Variants in ANKRD52 observed in about 807,000 individuals in gnomAD.
The protein encoded by ANKRD52 is ankyrin repeat domain 52.
ANKRD52 carries 7 observed loss-of-function variants against 116.0 expected under a neutral mutation model. The observed-to-expected ratio is 0.06, with a 90% CI of 0.03 to 0.11. The LOEUF is 0.11. Among genes scored for constraint, ANKRD52 ranks in the 10% least tolerant of loss-of-function variants. The pLI, the probability that ANKRD52 is intolerant of heterozygous loss-of-function variation, is 1.00. For missense variants in ANKRD52, 839 were observed against 1,408.6 expected (o/e 0.60, Z 6.47); for synonymous variants, 528 against 578.1 (o/e 0.91, Z 1.24).
chr12:56,248,106 T>C lies in ANKRD52; in HGVS notation c.1895A>G (p.Glu632Gly). Reference protein sequence around the residue: ...LFLATERGSTECVEVLTAHGA... With the variant: ...LFLATERGSTGCVEVLTAHGA... ...GTGGGCTGTAAGCACCTCCACACAC[T>C]CAGTAGAGCCGCGCTCCGTGGCCAG... Residue 632 changes from glutamate to glycine, a missense_variant, in exon 18 of 28, where the codon GAG (glutamate) becomes GGG (glycine). Around this residue, in one of 2 missense-constraint regions of ANKRD52, gnomAD observed 552 missense variants for 810.6 expected, o/e 0.68. Transcript: ENST00000267116. The surrounding 1 kb of genome is among the most constrained non-coding windows in gnomAD (Gnocchi z 5.1). 2 of 1,613,460 alleles carry C rather than the reference T, an allele frequency of 1.2e-6. No individual in the cohort carries two copies. The highest frequency in any genetic ancestry group is 2.2e-5 in the South Asian group (2 of 91,076).
chr12:56,254,018 A>G lies in ANKRD52; in HGVS notation c.906+49T>C. 6.4e-7 allele frequency: 1 copy of G among 1,556,878 alleles called. No homozygotes were observed. The highest frequency in any genetic ancestry group is 8.8e-7 in the Non-Finnish European group (1 of 1,130,872). ...CTATCCAGATACAGTCAGGACCCCT[A>G]GATCCAAGTTTCGCTCCCCACTGGT... On this transcript the variant is annotated intron_variant, in intron 8 of 27. Coordinates refer to ENST00000267116, the MANE Select transcript of ANKRD52 (RefSeq NM_173595.4). This position sits in a 1 kb window ranked among gnomAD's most constrained non-coding sequence, Gnocchi z 4.6.
Position 56,244,747 on chromosome 12 carries a change from A to G in ANKRD52, c.2627T>C (p.Met876Thr). ...AFADNVSGLR[M>T]LLQHQAEVNA... ...CACCTCAGCTTGATGCTGCAGCAGCATCCGGAGCCCAGAGACATTGTCCGC... is the reference window on the plus strand; with the variant it reads ...CACCTCAGCTTGATGCTGCAGCAGCGTCCGGAGCCCAGAGACATTGTCCGC... Residue 876 changes from methionine to threonine, a missense_variant, in exon 24 of 28, where the codon ATG becomes ACG. This residue lies in a region of ANKRD52 where 552 missense variants were observed against 810.6 expected (regional missense o/e 0.68). Coordinates refer to ENST00000267116, the MANE Select transcript of ANKRD52 (RefSeq NM_173595.4). The surrounding 1 kb of genome is among the most constrained non-coding windows in gnomAD (Gnocchi z 4.9). The G allele has an allele frequency of 6.2e-7, 1 of 1,613,890 alleles. No individual in the cohort carries two copies. Among genetic ancestry groups the G allele is most frequent in the Non-Finnish European group, 8.5e-7 (1 of 1,179,898 alleles).
At chr12:56,258,001 G>A (rs1045266764) in intron 1 of ANKRD52, 90 bp from the exon 2 acceptor site, 1 of 1,353,034 alleles carries the variant, frequency 7.4e-7, no homozygotes, top group African/African-American at 1.4e-5. Context: ...AGGTTTGAGT[G>A]GGGGGCGTCC....
intron 19 of ANKRD52, 36 bp from the exon 20 acceptor site, chr12:56,247,646 A>G: frequency 1.3e-6 from 2 of 1,596,016 alleles, no homozygotes; most frequent in Middle Eastern, 1.7e-4. Flanking sequence ...AGGATCCCGC[A>G]AGGACTGGAA....
At chr12:56,257,493 CGG>C (rs1565613528) in intron 2 of ANKRD52, 132 bp from the exon 3 acceptor site, 6 of 865,926 alleles carry the variant, frequency 6.9e-6, no homozygotes, top group East Asian at 5.3e-5. Flanking sequence ...TCCTAAGTCC[CGG>C]TATTGGGAGT....
rs961128015 is a variant in ANKRD52, at chr12:56,240,633, A to T, written c.*2509T>A. 3 of 152,174 alleles carry T rather than the reference A, an allele frequency of 2.0e-5. No individual in the cohort carries two copies. In the East Asian group the frequency reaches 5.8e-4, roughly 29 times the overall value. The allele number at this position is 152,174 out of a possible 1,614,324, so 9.4% of individuals were successfully genotyped here. On this transcript the variant is annotated 3_prime_UTR_variant, in exon 28 of 28. Coordinates refer to ENST00000267116, the MANE Select transcript of ANKRD52 (RefSeq NM_173595.4). This position sits in a 1 kb window ranked among gnomAD's most constrained non-coding sequence, Gnocchi z 4.2. ...TTAAAATAAATATGCAGTGGCCATGAGAATGGTCAAAATGCTTCAAAAAAC... is the reference window on the plus strand; with the variant it reads ...TTAAAATAAATATGCAGTGGCCATGTGAATGGTCAAAATGCTTCAAAAAAC...
intron 15 of ANKRD52, among the ~76,000 whole-genome samples, chr12:56,249,506 A>G (rs1221125236): frequency 2.0e-5 from 3 of 152,336 alleles, no homozygotes; most frequent in African/African-American, 7.2e-5. Flanking sequence ...AAATTGAGGC[A>G]TAGAGAAGTA....
chr12:56,244,645 T>C lies in ANKRD52; in HGVS notation c.2722+7A>G. On this transcript the variant is annotated splice_region_variant and intron_variant, in intron 24 of 27. Transcript: ENST00000267116. The surrounding 1 kb of genome is among the most constrained non-coding windows in gnomAD (Gnocchi z 4.9). ...GCTCCTCCCTTCCACAAGTGGCCCC[T>C]ACACACCCACAGCAGCGGTCTGCCC... is the stretch of plus-strand genomic sequence containing the variant. The C allele has an allele frequency of 6.2e-7, 1 of 1,613,436 alleles. No individual in the cohort carries two copies. Among genetic ancestry groups the C allele is most frequent in the Non-Finnish European group, 8.5e-7 (1 of 1,179,840 alleles).
intron 15 of ANKRD52, among the ~76,000 whole-genome samples, chr12:56,250,186 G>C (rs917907978): frequency 3.9e-5 from 6 of 152,076 alleles, no homozygotes; most frequent in African/African-American, 1.4e-4. Flanking sequence ...GACAGAGCAA[G>C]ACTCCATCTC....
chr12:56,243,039 AC>A lies in ANKRD52; in HGVS notation c.*102del. ...GGCTTCCTTCCCCTCCGCCCCCTCC[AC>A]CCAGTCGTGTTCTCCTTTAAAGTGC... On this transcript the variant is annotated 3_prime_UTR_variant, in exon 28 of 28. Transcript: ENST00000267116. This position sits in a 1 kb window ranked among gnomAD's most constrained non-coding sequence, Gnocchi z 4.6. 1 of 1,407,674 alleles carries A rather than the reference AC, an allele frequency of 7.1e-7. No individual in the cohort carries two copies. The highest frequency in any genetic ancestry group is 1.4e-5 in the African/African-American group (1 of 69,200). 87.2% of individuals were successfully genotyped at this position (1,407,674 alleles called of 1,614,324 possible).
rs1330981310 is a variant in ANKRD52 at position 56,248,752 on chromosome 12, C to A, written c.1704+7G>T. ...TCCCCTCCTGCAGGCCGGGCCCCAA[C>A]ACATACCAGTTCGAGGTTCTGTCTG... is the stretch of plus-strand genomic sequence containing the variant. On this transcript the variant is annotated splice_region_variant and intron_variant, in intron 16 of 27. Coordinates refer to ENST00000267116, the MANE Select transcript of ANKRD52 (RefSeq NM_173595.4). The surrounding 1 kb of genome is among the most constrained non-coding windows in gnomAD (Gnocchi z 5.1). 1 of 1,605,428 alleles carries A rather than the reference C, an allele frequency of 6.2e-7. No homozygotes were observed. The highest frequency in any genetic ancestry group is 8.5e-7 in the Non-Finnish European group (1 of 1,175,092).
rs773836824 is a variant in ANKRD52 at position 56,244,791 on chromosome 12, G to T, written c.2583C>A (p.Pro861=). The change falls in exon 24 of 28, where the codon CCC becomes CCA. Residue 861 remains proline, a synonymous_variant. Coordinates refer to ENST00000267116, the MANE Select transcript of ANKRD52 (RefSeq NM_173595.4). This position sits in a 1 kb window ranked among gnomAD's most constrained non-coding sequence, Gnocchi z 4.9. ...TGTCCGCGAAGGCAGCGGCGTGAAG[G>T]GGGGTCCTGTAAGGCAGGGATCAGG... is the stretch of plus-strand genomic sequence containing the variant. ...VNSRDAKGRT[P]LHAAAFADNV... 26 of 1,613,712 alleles carry T rather than the reference G, an allele frequency of 1.6e-5. No homozygotes were observed. Among genetic ancestry groups the T allele is most frequent in the Non-Finnish European group, 2.2e-5 (26 of 1,179,908 alleles).
chr12:56,243,527 G>A lies in ANKRD52; in HGVS notation c.2981-135C>T. 7.6e-7 allele frequency: 1 copy of A among 1,312,088 alleles called. No homozygotes were observed. The highest frequency in any genetic ancestry group is 1.0e-6 in the Non-Finnish European group (1 of 969,700). 81.3% of individuals were successfully genotyped at this position (1,312,088 alleles called of 1,614,324 possible). ...AGCAGCGGCAGAATCCAAGGGTGACGAGGGCCCAGGAAGGCTGACAGGCAG... is the reference window on the plus strand; with the variant it reads ...AGCAGCGGCAGAATCCAAGGGTGACAAGGGCCCAGGAAGGCTGACAGGCAG... On this transcript the variant is annotated intron_variant, in intron 27 of 27. Transcript: ENST00000267116. This position sits in a 1 kb window ranked among gnomAD's most constrained non-coding sequence, Gnocchi z 4.6.
chr12:56,252,929 T>G lies in ANKRD52; in HGVS notation c.1184-32A>C. 1 of 1,608,752 alleles carries G rather than the reference T, an allele frequency of 6.2e-7. No homozygotes were observed. Among genetic ancestry groups the G allele is most frequent in the Non-Finnish European group, 8.5e-7 (1 of 1,177,058 alleles). ...GCACAGAACAGCCACAGGTCACATC[T>G]GAGAGTGTTCAGCAGGGAGGGAAAG... On this transcript the variant is annotated intron_variant, in intron 11 of 27. Transcript: ENST00000267116. This position sits in a 1 kb window ranked among gnomAD's most constrained non-coding sequence, Gnocchi z 4.7.
chr12:56,246,557 G>A (rs75265219), intron 20 of ANKRD52, among the ~76,000 whole-genome samples: 7,034 of 152,174 alleles, frequency 0.046, 232 homozygotes, highest in Non-Finnish European at 0.069. Flanking sequence ...GACATTATGC[G>A]ATGGGTTGGG....
At position 56,245,361 on chromosome 12, in the gene ANKRD52, G is replaced by A; in HGVS notation, c.2404+16C>T. ...CAACACATGCTCCTGTGCCTGTGGAGGCCCCAGTCTAGTACCAGTGTAGGA... is the reference window on the plus strand; with the variant it reads ...CAACACATGCTCCTGTGCCTGTGGAAGCCCCAGTCTAGTACCAGTGTAGGA... On this transcript the variant is annotated intron_variant, in intron 21 of 27. Coordinates refer to ENST00000267116, the MANE Select transcript of ANKRD52 (RefSeq NM_173595.4). 2.5e-6 allele frequency: 4 copies of A among 1,607,964 alleles called. No individual in the cohort carries two copies. In the South Asian group the frequency reaches 3.3e-5, roughly 13 times the overall value.
In ANKRD52 at chr12:56,248,714, C is replaced by T. The variant is rs759376028; in HGVS notation, c.1704+45G>A. 4 of 1,544,612 alleles carry T rather than the reference C, an allele frequency of 2.6e-6. No homozygotes were observed. The highest frequency in any genetic ancestry group is 1.2e-5 in the South Asian group (1 of 85,570). On this transcript the variant is annotated intron_variant, in intron 16 of 27. Transcript: ENST00000267116. This position sits in a 1 kb window ranked among gnomAD's most constrained non-coding sequence, Gnocchi z 5.1. ...AGTTTTGGAATCCACAAACCCTGTGCCCTGCCCCTGCCTCCCCTCCTGCAG... is the reference window on the plus strand; with the variant it reads ...AGTTTTGGAATCCACAAACCCTGTGTCCTGCCCCTGCCTCCCCTCCTGCAG...
At position 56,253,166 on chromosome 12, in the gene ANKRD52, A is replaced by G. The variant is rs750369100; in HGVS notation, c.1101-80T>C. On this transcript the variant is annotated intron_variant, in intron 10 of 27. Coordinates refer to ENST00000267116, the MANE Select transcript of ANKRD52 (RefSeq NM_173595.4). This position sits in a 1 kb window ranked among gnomAD's most constrained non-coding sequence, Gnocchi z 5.5. ...CTCTTCTGTGACCTACCACCACCCT[A>G]GAGTCAGGGTAGGAGGTTCTCCAAG... 49 of 1,437,322 alleles carry G rather than the reference A, an allele frequency of 3.4e-5. 1 individual carries two copies. The highest frequency in any genetic ancestry group is 3.4e-5 in the Non-Finnish European group (36 of 1,052,900). The allele number at this position is 1,437,322 out of a possible 1,614,324, so 89.0% of individuals were successfully genotyped here. A position where few individuals can be genotyped will look rare whatever the true frequency, so the allele number is the denominator to read the frequency against.
In ANKRD52 at chr12:56,257,510, G is replaced by A. The variant is rs1292066992; in HGVS notation, c.112-149C>T. On this transcript the variant is annotated intron_variant, in intron 2 of 27. Transcript: ENST00000267116. Reference sequence around the variant, plus strand: ...CTAAGTCCCGGTATTGGGAGTCAAAGGCAAGCACCTAGGGAGGGTGGAGTC... The same window carrying A: ...CTAAGTCCCGGTATTGGGAGTCAAAAGCAAGCACCTAGGGAGGGTGGAGTC... 6.3e-6 allele frequency: 5 copies of A among 787,726 alleles called. No individual in the cohort carries two copies. In the African/African-American group the frequency reaches 8.7e-5, roughly 14 times the overall value. The allele number at this position is 787,726 out of a possible 1,614,324, so 48.8% of individuals were successfully genotyped here.
Sources: allele counts gnomAD v4.1 joint callset (sites outside exome capture counted in the v4.1 genomes callset), GRCh38; gene constraint gnomAD v4.1.1; regional missense constraint gnomAD v4.1.1; non-coding constraint Gnocchi (gnomAD v3.1); transcripts MANE v1.5; gene names NCBI Gene and HGNC (gene_info 2026-07-23, HGNC 2026-07-21).